Variants in HTT-AS observed in about 807,000 individuals in gnomAD.
HTT-AS encodes HTT antisense RNA (head to head).
chr4:3,057,962 T>C (rs1303678358), intron 2 of HTT-AS, among the ~76,000 whole-genome samples: 1 of 151,922 alleles, frequency 6.6e-6, no homozygotes, highest in African/African-American at 2.4e-5. Context: ...AGGTGGATTA[T>C]TCATGAGTTT....
chr4:3,055,370 C>A (rs1711788351), intron 2 of HTT-AS, among the ~76,000 whole-genome samples: 1 of 152,012 alleles, frequency 6.6e-6, no homozygotes, highest in Non-Finnish European at 1.5e-5. Flanking sequence ...CCCAGAGGGA[C>A]TTTACTGAGG....
At chr4:3,066,493 G>A (rs920709741) in intron 1 of HTT-AS, among the ~76,000 whole-genome samples, 1 of 152,118 alleles carries the variant, frequency 6.6e-6, no homozygotes, top group Non-Finnish European at 1.5e-5. Context: ...GAGCATAGGG[G>A]ACTAAAAATG....
chr4:3,062,268 G>C (rs184682553), intron 2 of HTT-AS, among the ~76,000 whole-genome samples: 139 of 152,154 alleles, frequency 9.1e-4, no homozygotes, highest in Middle Eastern at 6.8e-3. Flanking sequence ...GAGCTCAAAT[G>C]GTCCTCCCGC....
At chr4:3,067,731 C>T (rs1335801651) in intron 1 of HTT-AS, among the ~76,000 whole-genome samples, 2 of 152,234 alleles carry the variant, frequency 1.3e-5, no homozygotes, top group East Asian at 1.9e-4. Context: ...AATCTTTCAC[C>T]GAGGGGGATC....
At chr4:3,049,906 T>TCTCACACACA (rs1294585299) in intron 2 of HTT-AS, among the ~76,000 whole-genome samples, 1 of 134,676 alleles carries the variant, frequency 7.4e-6, no homozygotes, top group Non-Finnish European at 1.6e-5. Context: ...TTGTAAGTTA[T>TCTCACACACA]CACACACACA....
chr4:3,068,120 A>G (rs1021654829), intron 1 of HTT-AS, among the ~76,000 whole-genome samples: 3 of 151,924 alleles, frequency 2.0e-5, no homozygotes, highest in African/African-American at 7.3e-5. Flanking sequence ...CCTGGCTAAC[A>G]TGGTGAAACC....
At chr4:3,063,880 G>A (rs1457722418) in intron 1 of HTT-AS, among the ~76,000 whole-genome samples, 4 of 152,092 alleles carry the variant, frequency 2.6e-5, no homozygotes, top group Admixed American at 2.0e-4. Context: ...AAGGTTGTGG[G>A]TGGTATGAAA....
chr4:3,053,331 G>C (rs954468117), intron 2 of HTT-AS, among the ~76,000 whole-genome samples: 1 of 152,140 alleles, frequency 6.6e-6, no homozygotes, highest in Non-Finnish European at 1.5e-5. Context: ...TCAGGAGTTC[G>C]AGACCAGCCT....
intron 2 of HTT-AS, among the ~76,000 whole-genome samples, chr4:3,054,081 C>G (rs1711764920): frequency 6.6e-6 from 1 of 151,890 alleles, no homozygotes; most frequent in Admixed American, 6.6e-5. Context: ...TTTTTAAGGT[C>G]ATAAACTGCT....
At chr4:3,054,810 G>A (rs2110120980) in intron 2 of HTT-AS, among the ~76,000 whole-genome samples, 1 of 151,954 alleles carries the variant, frequency 6.6e-6, no homozygotes, top group African/African-American at 2.4e-5. Flanking sequence ...TGCCCCCTGG[G>A]TTTAAGCGAT....
chr4:3,057,747 C>T (rs1711836094), intron 2 of HTT-AS, among the ~76,000 whole-genome samples: 1 of 151,798 alleles, frequency 6.6e-6, no homozygotes, highest in African/African-American at 2.4e-5. Flanking sequence ...CATTCTTCTG[C>T]CTCAGCCTCC....
In HTT-AS at chr4:3,058,186, C is replaced by T. The variant is rs528911941; in HGVS notation, n.1380+4248G>A. Among the ~76,000 whole-genome samples the T allele has an allele frequency of 1.4e-4, 22 of 151,930 alleles. No homozygotes were observed. The East Asian group carries it at 1.8e-3, about 12-fold the overall frequency. ...TACTAAAAATAAAAAATTAGCTGGG[C>T]GTGGTGGCGCGTGCCTGTACTCCCA... On this transcript the variant is annotated intron_variant and non_coding_transcript_variant, in intron 2 of 2. Coordinates refer to ENST00000664062, the Ensembl canonical transcript of HTT-AS.
chr4:3,066,226 A>C (rs1272147408), intron 1 of HTT-AS, among the ~76,000 whole-genome samples: 3 of 151,842 alleles, frequency 2.0e-5, no homozygotes, highest in Non-Finnish European at 4.4e-5. Flanking sequence ...CTGGAGTGCA[A>C]TGGTGCGATC....
chr4:3,065,688 G>A (rs192857269), intron 1 of HTT-AS, among the ~76,000 whole-genome samples: 14 of 152,294 alleles, frequency 9.2e-5, no homozygotes, highest in Middle Eastern at 3.4e-3. Flanking sequence ...AGACACTGAC[G>A]TCAGCCTACA....
At chr4:3,063,846 G>A (rs1711990655) in intron 1 of HTT-AS, 2 of 152,320 alleles carry the variant, frequency 1.3e-5, no homozygotes, top group East Asian at 3.9e-4. Flanking sequence ...AATAAAAGAT[G>A]ATTTTATGGA....
At position 3,061,906 on chromosome 4, in the gene HTT-AS, G is replaced by A. The variant is rs541420535; in HGVS notation, n.1380+528C>T. On this transcript the variant is annotated intron_variant and non_coding_transcript_variant, in intron 2 of 2. Transcript: ENST00000664062. ...CTGAGGCAGGAGAATGGCGTGAACC[G>A]GGGAGGCGGAGCTTGCAGTGAGCCG... Among the ~76,000 whole-genome samples the A allele has an allele frequency of 9.4e-5, 14 of 148,714 alleles. 1 individual carries two copies. The highest frequency in any genetic ancestry group is 4.0e-4 in the East Asian group (2 of 4,968).
At chr4:3,067,409 G>C (rs1169422870) in intron 1 of HTT-AS, among the ~76,000 whole-genome samples, 1 of 152,164 alleles carries the variant, frequency 6.6e-6, no homozygotes, top group African/African-American at 2.4e-5. Flanking sequence ...TACTGTGAAA[G>C]CAAGTCCAGA....
At chr4:3,061,555 G>A (rs997747582) in intron 2 of HTT-AS, among the ~76,000 whole-genome samples, 30 of 151,544 alleles carry the variant, frequency 2.0e-4, no homozygotes, top group African/African-American at 6.1e-4. Flanking sequence ...GGTGGCGGGC[G>A]CCTGTAATCC....
chr4:3,053,946 G>A (rs1380196042), intron 2 of HTT-AS, among the ~76,000 whole-genome samples: 2 of 151,882 alleles, frequency 1.3e-5, no homozygotes, highest in African/African-American at 2.4e-5. Context: ...TTTTAGTAGA[G>A]ATGAGGTTTC....
Sources: allele counts gnomAD v4.1 joint callset (sites outside exome capture counted in the v4.1 genomes callset), GRCh38; gene constraint gnomAD v4.1.1; transcripts MANE v1.5; gene names NCBI Gene and HGNC (gene_info 2026-07-23, HGNC 2026-07-21).